FOXP2: variants seen among roughly 807,000 people sequenced by gnomAD.
FOXP2 encodes forkhead box P2.
Under a neutral mutation model 115.8 loss-of-function variants are expected in FOXP2, and 12 were observed. The observed-to-expected ratio is 0.10, with a 90% CI of 0.07 to 0.17. The LOEUF (loss-of-function observed/expected upper bound fraction) is 0.17. FOXP2 is among the 10% of genes least tolerant of loss of function. FOXP2 has a pLI of 1.00. For synonymous variants in FOXP2, 328 were observed against 297.7 expected, an observed-to-expected ratio of 1.10 and a Z score of -1.05; for missense variants, 629 against 843.5, an observed-to-expected ratio of 0.75 and a Z score of 3.15.
intron 2 of FOXP2, among the ~76,000 whole-genome samples, chr7:114,529,861 G>C (rs1382093049): frequency 6.6e-6 from 1 of 151,800 alleles, no homozygotes; most frequent in African/African-American, 2.4e-5. Flanking sequence ...ATGAAGAAAG[G>C]CCAAACAGAA....
chr7:114,292,136 G>A (rs995138887), intron 2 of FOXP2, among the ~76,000 whole-genome samples: 4 of 151,126 alleles, frequency 2.6e-5, no homozygotes, highest in African/African-American at 7.3e-5. Context: ...CCTTTGCCAT[G>A]TTCTGTTGGC....
At chr7:114,125,526 A>G (rs1450263013) in intron 1 of FOXP2, among the ~76,000 whole-genome samples, 2 of 152,136 alleles carry the variant, frequency 1.3e-5, no homozygotes, top group African/African-American at 2.4e-5. Flanking sequence ...TTCCCAGCAT[A>G]GAAGTTTTCA....
chr7:114,323,553 A>T (rs1301407704), intron 2 of FOXP2, among the ~76,000 whole-genome samples: 1 of 152,062 alleles, frequency 6.6e-6, no homozygotes, highest in Non-Finnish European at 1.5e-5. Context: ...TCAGAGTTAC[A>T]ATGATTTATC....
chr7:114,334,066 T>A (rs1430052224), intron 2 of FOXP2, among the ~76,000 whole-genome samples: 1 of 152,190 alleles, frequency 6.6e-6, no homozygotes, highest in Non-Finnish European at 1.5e-5. Flanking sequence ...AATACTTTTT[T>A]AAGAGTCAAT....
intron 2 of FOXP2, among the ~76,000 whole-genome samples, chr7:114,358,677 G>A (rs998178583): frequency 3.9e-5 from 6 of 152,244 alleles, no homozygotes; most frequent in African/African-American, 1.4e-4. Context: ...CAAAGAGACT[G>A]GAGGCATTTT....
At chr7:114,678,675 A>G (rs1008731129) in intron 16 of FOXP2, among the ~76,000 whole-genome samples, 3 of 151,758 alleles carry the variant, frequency 2.0e-5, no homozygotes, top group Non-Finnish European at 2.9e-5. Context: ...AAAATTAAAA[A>G]TAAATAAAAT....
At chr7:114,245,427 T>A (rs1020185731) in intron 1 of FOXP2, among the ~76,000 whole-genome samples, 1 of 152,210 alleles carries the variant, frequency 6.6e-6, no homozygotes. Context: ...TATGTGTAAG[T>A]TTTCCTCCTA....
Position 114,615,777 on chromosome 7 carries a change from C to A in FOXP2, c.259-12763C>A, listed in dbSNP as rs1179976198. 3.9e-5 allele frequency among the ~76,000 whole-genome samples: 6 copies of A among 152,302 alleles called. No individual in the cohort carries two copies. In the South Asian group the frequency reaches 8.3e-4, roughly 21 times the overall value. On this transcript the variant is annotated intron_variant, in intron 3 of 16. Coordinates refer to ENST00000350908, the MANE Select transcript of FOXP2 (RefSeq NM_014491.4). The stretch of plus-strand genomic sequence containing the variant: ...CCCTTGCTGAGGTCTGCAGCTTCAT[C>A]TCCACCTAATTCCCCTTTTACCAGG...
intron 1 of FOXP2, among the ~76,000 whole-genome samples, chr7:114,267,213 G>A (rs1364473101): frequency 6.6e-6 from 1 of 152,004 alleles, no homozygotes; most frequent in Admixed American, 6.6e-5. Flanking sequence ...CAAAATGCCA[G>A]CTTTCTAGAT....
intron 2 of FOXP2, among the ~76,000 whole-genome samples, chr7:114,518,646 G>T (rs1354572127): frequency 6.6e-6 from 1 of 152,080 alleles, no homozygotes; most frequent in Admixed American, 6.5e-5. Flanking sequence ...GGGACTACAG[G>T]CATGGGCCAC....
At chr7:114,176,513 T>A (rs1793316184) in intron 1 of FOXP2, among the ~76,000 whole-genome samples, 1 of 151,656 alleles carries the variant, frequency 6.6e-6, no homozygotes. Flanking sequence ...CTAATTTTTG[T>A]ATTTTTTTGT....
chr7:114,328,058 C>T (rs1050926070), intron 2 of FOXP2, among the ~76,000 whole-genome samples: 3 of 151,266 alleles, frequency 2.0e-5, no homozygotes, highest in Non-Finnish European at 4.4e-5. Flanking sequence ...GTAGCTGAGC[C>T]TAAAGGTGCA....
intron 3 of FOXP2, among the ~76,000 whole-genome samples, chr7:114,576,805 A>G (rs1302881335): frequency 6.6e-6 from 1 of 151,980 alleles, no homozygotes; most frequent in Non-Finnish European, 1.5e-5. Flanking sequence ...AACATCGCTT[A>G]AGGAAATGTG....
chr7:114,658,987 G>A (rs530133966), intron 11 of FOXP2, among the ~76,000 whole-genome samples: 53 of 152,226 alleles, frequency 3.5e-4, no homozygotes, highest in Non-Finnish European at 6.6e-4. Flanking sequence ...AGATGCAGAG[G>A]TGAGCCTGTT....
chr7:114,640,261 T>C (rs1805451269), intron 6 of FOXP2, among the ~76,000 whole-genome samples: 1 of 152,224 alleles, frequency 6.6e-6, no homozygotes. Flanking sequence ...TATAAAAAGT[T>C]GTTTCCTATG....
At chr7:114,662,681 C>T (rs1327363346) in intron 14 of FOXP2, among the ~76,000 whole-genome samples, 1 of 152,048 alleles carries the variant, frequency 6.6e-6, no homozygotes, top group Non-Finnish European at 1.5e-5. Flanking sequence ...TTTGGACCTA[C>T]CTTGCTTTTA....
intron 1 of FOXP2, among the ~76,000 whole-genome samples, chr7:114,144,785 C>G (rs1172229270): frequency 6.6e-6 from 1 of 151,922 alleles, no homozygotes; most frequent in African/African-American, 2.4e-5. Context: ...AATGAACAGG[C>G]AGCAAAATAT....
chr7:114,475,541 T>C (rs1796219745), intron 2 of FOXP2, among the ~76,000 whole-genome samples: 1 of 152,044 alleles, frequency 6.6e-6, no homozygotes, highest in Non-Finnish European at 1.5e-5. Flanking sequence ...AGGAGCCCTC[T>C]GAACATGACC....
intron 1 of FOXP2, among the ~76,000 whole-genome samples, chr7:114,256,998 G>A (rs1795630769): frequency 6.6e-6 from 1 of 152,130 alleles, no homozygotes; most frequent in Admixed American, 6.5e-5. Context: ...ATAATTCTAA[G>A]CAAAAAGATC....
Sources: allele counts gnomAD v4.1 joint callset (sites outside exome capture counted in the v4.1 genomes callset), GRCh38; gene constraint gnomAD v4.1.1; transcripts MANE v1.5; gene names NCBI Gene and HGNC (gene_info 2026-07-23, HGNC 2026-07-21).